GPRC5D: variants seen among roughly 807,000 people sequenced by gnomAD.
GPRC5D encodes the protein G protein-coupled receptor class C group 5 member D.
A neutral mutation model predicts 29.3 loss-of-function variants in GPRC5D; 20 were observed. That is an observed-to-expected ratio of 0.68 (90% confidence interval 0.48 to 0.99). The LOEUF is 0.99. Among genes scored for constraint, GPRC5D ranks in the 50% least tolerant of loss-of-function variants. The probability of loss-of-function intolerance (pLI) is 0.00; values close to 1 mark genes in which losing one functional copy is unlikely to be tolerated. For synonymous variants in GPRC5D, 178 were observed against 171.3 expected (o/e 1.04, Z -0.30); for missense variants, 384 against 423.6 (o/e 0.91, Z 0.82).
upstream of GPRC5D, among the ~76,000 whole-genome samples, chr12:12,950,797 ACT>A (rs367691339): frequency 1.3e-5 from 2 of 150,790 alleles, no homozygotes; most frequent in African/African-American, 4.9e-5. Context: ...ACAGAGTGAG[ACT>A]CTGTCTCAAA....
upstream of GPRC5D, among the ~76,000 whole-genome samples, chr12:12,951,854 C>T (rs984219469): frequency 2.6e-5 from 4 of 152,094 alleles, no homozygotes; most frequent in African/African-American, 4.8e-5. Flanking sequence ...TAGTTAAACA[C>T]CTATTGTGTG....
chr12:12,950,041 A>T, exon 1 of GPRC5D: 2 of 1,614,090 alleles, frequency 1.2e-6, no homozygotes, highest in South Asian at 2.2e-5. Context: ...AACCAGCTTC[A>T]CTAGATTGGA....
rs1863171406 is a variant in GPRC5D at position 12,942,246 on chromosome 12, G to T, written c.963+15C>A. On this transcript the variant is annotated intron_variant, in intron 2 of 2. Transcript: ENST00000228887. ...GCTAAGTCCCTCCTGGGTGAATATA[G>T]GCGAGTACATTTACCTGCGGCTGAA... 1.3e-6 allele frequency: 2 copies of T among 1,545,310 alleles called. No homozygotes were observed. Among genetic ancestry groups the T allele is most frequent in the East Asian group, 4.5e-5 (2 of 44,584 alleles).
chr12:12,946,354 TTTC>T, intron 1 of GPRC5D, among the ~76,000 whole-genome samples: 1 of 149,644 alleles, frequency 6.7e-6, no homozygotes, highest in Non-Finnish European at 1.5e-5. Context: ...TCTTTCTTTC[TTTC>T]TTTCTTTCTT....
At chr12:12,950,524 A>C (rs1565481233), upstream of GPRC5D, 3 of 649,282 alleles carry the variant, frequency 4.6e-6, no homozygotes, top group East Asian at 8.1e-5. Flanking sequence ...AATGGCAAGA[A>C]GGCTGGGTGC....
At chr12:12,944,846 CTTCCTTCTTTCTTTCTTTCTTTCTTTCT>C (rs1371418779) in intron 1 of GPRC5D, among the ~76,000 whole-genome samples, 5 of 31,220 alleles carry the variant, frequency 1.6e-4, no homozygotes, top group East Asian at 2.4e-3. Flanking sequence ...TCCTTCCTTC[CTTCCTTCTTTCTTTCTTTCTTTCTTTCT>C]TTCTTTCTTT....
Position 12,944,798 on chromosome 12 carries a change from TTCCCTTCCTTCC to T in GPRC5D, c.896-2482_896-2471del. On this transcript the variant is annotated intron_variant, in intron 1 of 2. Transcript: ENST00000228887. Reference sequence around the variant, plus strand: ...CTTCCTTCCTTCCTTCCTTCCTTCCTTCCCTTCCTTCCTTCCTTCCTTCCTTCCTTCCTTCCT... The same window carrying T: ...CTTCCTTCCTTCCTTCCTTCCTTCCTTTCCTTCCTTCCTTCCTTCCTTCCT... Among the ~76,000 whole-genome samples, 2 of 29,550 alleles carry T rather than the reference TTCCCTTCCTTCC, an allele frequency of 6.8e-5. 1 individual carries two copies. Among genetic ancestry groups the T allele is most frequent in the South Asian group, 4.2e-3 (2 of 476 alleles). 19.4% of individuals were successfully genotyped at this position (29,550 alleles called of 152,430 possible).
In GPRC5D at chr12:12,944,850, C is replaced by CTTCTTTCT. The variant is rs57581481; in HGVS notation, c.896-2530_896-2523dup. On this transcript the variant is annotated intron_variant, in intron 1 of 2. Coordinates refer to ENST00000228887, the Ensembl canonical transcript of GPRC5D. ...CCTTCCTTCCTTCCTTCCTTCCTTC[C>CTTCTTTCT]TTCTTTCTTTCTTTCTTTCTTTCTT... Among the ~76,000 whole-genome samples, 275 of 34,468 alleles carry CTTCTTTCT rather than the reference C, an allele frequency of 8.0e-3. 32 individuals are homozygous for CTTCTTTCT. The highest frequency in any genetic ancestry group is 0.016 in the African/African-American group (161 of 9,940). The allele number at this position is 34,468 out of a possible 152,430, so 22.6% of individuals were successfully genotyped here.
intron 2 of GPRC5D, 89 bp from the exon 4 acceptor site, chr12:12,940,938 G>GCAAGAC: frequency 3.6e-6 from 3 of 830,934 alleles, no homozygotes; most frequent in Non-Finnish European, 6.2e-6. Context: ...TTGAGACAGA[G>GCAAGAC]TCTTGCTCTG....
At chr12:12,949,462 C>T (rs753101645) in intron 1 of GPRC5D, 28 bp downstream of exon 2, 2 of 1,573,626 alleles carry the variant, frequency 1.3e-6, no homozygotes, top group South Asian at 1.2e-5. Flanking sequence ...GAGCACCTCC[C>T]TGCTCCCTGA....
At chr12:12,946,834 G>A (rs1425728967) in intron 1 of GPRC5D, among the ~76,000 whole-genome samples, 2 of 152,114 alleles carry the variant, frequency 1.3e-5, no homozygotes, top group African/African-American at 4.8e-5. Context: ...TAACCCAGTG[G>A]TAAATTAAAT....
At position 12,949,662 on chromosome 12, in the gene GPRC5D, G is replaced by A. The variant is rs768737138; in HGVS notation, c.723C>T (p.Val241=). 17 of 1,614,008 alleles carry A rather than the reference G, an allele frequency of 1.1e-5. No individual in the cohort carries two copies. The South Asian group carries it at 1.2e-4, about 11-fold the overall frequency. ...CGTTGGTGACCAGAGCAATGCAGAC[G>A]ACCGGGTCGTCCCACTGGGGCTGTC... Residue 241 remains valine (V), a synonymous_variant, in exon 1 of 3, where the codon GTC becomes GTT. Coordinates refer to ENST00000228887, the Ensembl canonical transcript of GPRC5D.
chr12:12,944,768 CCTTT>C (rs1218730536), intron 1 of GPRC5D, among the ~76,000 whole-genome samples: 7,086 of 44,588 alleles, frequency 0.16, 1,997 homozygotes, highest in Non-Finnish European at 0.31. Context: ...TTTCTTCCTT[CCTTT>C]CTTCCTTCCT....
At chr12:12,947,524 TCTTC>T (rs978875015) in intron 1 of GPRC5D, among the ~76,000 whole-genome samples, 18 of 151,884 alleles carry the variant, frequency 1.2e-4, no homozygotes, top group South Asian at 6.2e-4. Context: ...TTCCTTCCTT[TCTTC>T]CTTCCTTCCT....
intron 1 of GPRC5D, chr12:12,948,582 C>A (rs1358731482): frequency 6.5e-6 from 1 of 154,126 alleles, no homozygotes; most frequent in Non-Finnish European, 1.5e-5. Context: ...AATCAGATGC[C>A]TATTAAGACA....
intron 1 of GPRC5D, among the ~76,000 whole-genome samples, chr12:12,945,035 G>T (rs767456085): frequency 1.5e-5 from 2 of 133,552 alleles, no homozygotes; most frequent in Non-Finnish European, 3.1e-5. Flanking sequence ...TTCGAGTCTC[G>T]TTCTCGTTGC....
At chr12:12,949,024 A>T (rs894112552) in intron 1 of GPRC5D, among the ~76,000 whole-genome samples, 1 of 152,122 alleles carries the variant, frequency 6.6e-6, no homozygotes, top group Non-Finnish European at 1.5e-5. Context: ...TCAGTTTAAG[A>T]TTACGTTTGG....
chr12:12,946,050 C>T (rs1052308544), intron 1 of GPRC5D, among the ~76,000 whole-genome samples: 1 of 152,152 alleles, frequency 6.6e-6, no homozygotes, highest in African/African-American at 2.4e-5. Context: ...AGGAATAAAG[C>T]CTAATCTTCT....
chr12:12,951,260 C>T (rs1863488857), upstream of GPRC5D, among the ~76,000 whole-genome samples: 1 of 152,198 alleles, frequency 6.6e-6, no homozygotes, highest in South Asian at 2.1e-4. Flanking sequence ...AATGAAGACA[C>T]CTGGGCATAT....
Sources: gnomAD v4.1 joint callset for allele counts (sites outside exome capture counted in the v4.1 genomes callset) on GRCh38, gnomAD v4.1.1 for gene constraint, MANE v1.5 for transcripts, NCBI Gene and HGNC (gene_info 2026-07-23, HGNC 2026-07-21) for gene names.